CADM2: variants seen among roughly 807,000 people sequenced by gnomAD.
CADM2 encodes the protein cell adhesion molecule 2.
In CADM2, 12 loss-of-function variants were observed where a neutral mutation model predicts 49.8. That is an observed-to-expected ratio of 0.24 (90% CI 0.15 to 0.39). CADM2 has a LOEUF of 0.39. Ranked by LOEUF, CADM2 falls within the 10% of genes least tolerant of loss-of-function variation. CADM2 has a pLI of 1.00. For synonymous variants in CADM2, 214 were observed against 175.4 expected (o/e 1.22, Z -1.74); for missense variants, 378 against 492.3 (o/e 0.77, Z 2.20).
intron 1 of CADM2, among the ~76,000 whole-genome samples, chr3:85,440,130 A>T (rs2037131371): frequency 6.6e-6 from 1 of 152,190 alleles, no homozygotes; most frequent in African/African-American, 2.4e-5. Flanking sequence ...CTCTAAATTC[A>T]TGAGTGGCTA....
At chr3:85,342,551 A>G (rs367682141) in intron 1 of CADM2, among the ~76,000 whole-genome samples, 1 of 152,086 alleles carries the variant, frequency 6.6e-6, no homozygotes, top group East Asian at 1.9e-4. Flanking sequence ...AAACGCATGT[A>G]AAGAATAGTC....
At chr3:85,753,633 T>C (rs537684873) in intron 2 of CADM2, among the ~76,000 whole-genome samples, 1 of 152,262 alleles carries the variant, frequency 6.6e-6, no homozygotes, top group East Asian at 1.9e-4. Flanking sequence ...TGGGAGGTGA[T>C]CTGGTGCTAG....
At chr3:85,473,636 A>C (rs2038859107) in intron 1 of CADM2, among the ~76,000 whole-genome samples, 1 of 152,056 alleles carries the variant, frequency 6.6e-6, no homozygotes, top group South Asian at 2.1e-4. Context: ...AGGAACTAGA[A>C]AAAGTCTTGA....
At chr3:85,370,602 G>T (rs2033158784) in intron 1 of CADM2, among the ~76,000 whole-genome samples, 1 of 152,096 alleles carries the variant, frequency 6.6e-6, no homozygotes, top group Non-Finnish European at 1.5e-5. Flanking sequence ...ATACAATTAT[G>T]TACAGTGCAT....
At chr3:85,595,523 G>A (rs77014931) in intron 1 of CADM2, among the ~76,000 whole-genome samples, 8,844 of 151,958 alleles carry the variant, frequency 0.058, 579 homozygotes, top group African/African-American at 0.16. Context: ...GTCATTCTTC[G>A]TAATATAACT....
At chr3:85,881,521 GC>G (rs1193752951) in intron 3 of CADM2, among the ~76,000 whole-genome samples, 1 of 152,110 alleles carries the variant, frequency 6.6e-6, no homozygotes, top group African/African-American at 2.4e-5. Context: ...ATTCTAAGAA[GC>G]AGTTGCCCTG....
intron 1 of CADM2, among the ~76,000 whole-genome samples, chr3:85,340,592 T>C (rs1480005982): frequency 1.3e-5 from 2 of 151,608 alleles, no homozygotes; most frequent in Non-Finnish European, 3.0e-5. Context: ...TTTGAATGTA[T>C]ATACAATTAT....
rs570612028 is a variant in CADM2 at position 85,326,237 on chromosome 3, G to A, written c.61+366569G>A. Among the ~76,000 whole-genome samples, 100 of 152,042 alleles carry A rather than the reference G, an allele frequency of 6.6e-4. No homozygotes were observed. The South Asian group carries it at 0.019, about 29-fold the overall frequency. ...TCAAGTGTTTTGTGTATATTTAAGT[G>A]ATTCTACAGCCTGTATTGTTTTTCT... On this transcript the variant is annotated intron_variant, in intron 1 of 9. Coordinates refer to ENST00000383699, the MANE Select transcript of CADM2 (RefSeq NM_001167675.2).
intron 1 of CADM2, among the ~76,000 whole-genome samples, chr3:85,544,402 C>A (rs1275691955): frequency 6.6e-6 from 1 of 152,110 alleles, no homozygotes; most frequent in Non-Finnish European, 1.5e-5. Context: ...CACGGTGAAA[C>A]CCCATCTCTA....
intron 1 of CADM2, among the ~76,000 whole-genome samples, chr3:85,229,596 G>A (rs2042239156): frequency 6.6e-6 from 1 of 152,164 alleles, no homozygotes; most frequent in African/African-American, 2.4e-5. Flanking sequence ...GCTGGACCCT[G>A]ACAAATGTTT....
At chr3:86,019,956 C>G (rs1444117360) in intron 8 of CADM2, among the ~76,000 whole-genome samples, 2 of 152,102 alleles carry the variant, frequency 1.3e-5, no homozygotes, top group African/African-American at 4.8e-5. Context: ...CAAACACATT[C>G]AAAAGCTAGC....
At chr3:86,025,790 C>A (rs1289167230) in intron 8 of CADM2, among the ~76,000 whole-genome samples, 1 of 151,844 alleles carries the variant, frequency 6.6e-6, no homozygotes, top group Non-Finnish European at 1.5e-5. Flanking sequence ...TTTATTTTAT[C>A]TTAACTTTGT....
chr3:85,533,573 T>A (rs2061366878), intron 1 of CADM2, among the ~76,000 whole-genome samples: 2 of 152,226 alleles, frequency 1.3e-5, no homozygotes, highest in South Asian at 4.1e-4. Flanking sequence ...GGATGTCATA[T>A]AATTTCTCTT....
At chr3:85,930,586 C>G (rs1250536450) in intron 6 of CADM2, among the ~76,000 whole-genome samples, 1 of 152,032 alleles carries the variant, frequency 6.6e-6, no homozygotes, top group East Asian at 1.9e-4. Flanking sequence ...TTAACCATTC[C>G]TACCTCCCTC....
intron 1 of CADM2, among the ~76,000 whole-genome samples, chr3:85,615,890 A>T (rs1428982190): frequency 6.6e-6 from 1 of 151,934 alleles, no homozygotes; most frequent in Admixed American, 6.6e-5. Flanking sequence ...ATTTCATTTC[A>T]GATCTTGTAA....
chr3:85,275,188 T>C (rs1273500230), intron 1 of CADM2, among the ~76,000 whole-genome samples: 2 of 151,582 alleles, frequency 1.3e-5, no homozygotes, highest in African/African-American at 4.8e-5. Flanking sequence ...CTGAATTGCT[T>C]TCTAACAATG....
At chr3:85,345,846 T>C (rs189252440) in intron 1 of CADM2, among the ~76,000 whole-genome samples, 1 of 152,320 alleles carries the variant, frequency 6.6e-6, no homozygotes, top group East Asian at 1.9e-4. Context: ...CATTTTTTTG[T>C]GTGTGAAAAA....
chr3:85,566,886 T>C lies in CADM2; in HGVS notation c.62-159636T>C, dbSNP rs533112385. Among the ~76,000 whole-genome samples the C allele has an allele frequency of 7.9e-5, 12 of 152,312 alleles. No homozygotes were observed. In the East Asian group the frequency reaches 2.3e-3, roughly 29 times the overall value. ...ATATCTGTACTCCGTTTCAGGAATATACATGGGTTTCACAAACAATTTCAT... is the reference window on the plus strand; with the variant it reads ...ATATCTGTACTCCGTTTCAGGAATACACATGGGTTTCACAAACAATTTCAT... On this transcript the variant is annotated intron_variant, in intron 1 of 9. Transcript: ENST00000383699.
chr3:85,894,028 C>T (rs548929318), intron 5 of CADM2, among the ~76,000 whole-genome samples: 2 of 152,286 alleles, frequency 1.3e-5, no homozygotes, highest in Non-Finnish European at 2.9e-5. Context: ...AATCATGCTG[C>T]TATAAAGACA....
Sources: gnomAD v4.1 joint callset for allele counts (sites outside exome capture counted in the v4.1 genomes callset) on GRCh38, gnomAD v4.1.1 for gene constraint, MANE v1.5 for transcripts, NCBI Gene and HGNC (gene_info 2026-07-23, HGNC 2026-07-21) for gene names.